ITFG2: variants seen among roughly 807,000 people sequenced by gnomAD.
ITFG2 encodes integrin alpha FG-GAP repeat containing 2, also known as KICSTOR complex protein ITFG2.
In ITFG2, 36 loss-of-function variants were observed where a neutral mutation model predicts 54.4. The observed-to-expected ratio is 0.66, with a 90% CI of 0.51 to 0.87. The LOEUF (loss-of-function observed/expected upper bound fraction) is 0.87, where lower values mean the gene tolerates loss of function less well. ITFG2 is among the 40% of genes least tolerant of loss of function. The pLI is 0.00. For synonymous variants in ITFG2, 211 were observed against 225.4 expected (o/e 0.94, Z 0.57); for missense variants, 524 against 576.7 (o/e 0.91, Z 0.94).
In ITFG2 at chr12:2,824,991, C is replaced by T. The variant is rs1384101457; in HGVS notation, c.*798C>T. 6.6e-6 allele frequency: 1 copy of T among 152,288 alleles called. No homozygotes were observed. The highest frequency in any genetic ancestry group is 1.9e-4 in the East Asian group (1 of 5,202). The allele number at this position is 152,288 out of a possible 1,614,324, so 9.4% of individuals were successfully genotyped here. Reference sequence around the variant, plus strand: ...ATGCTCTAAATCGGTGTTTTTCAAACTGTGGTTGCAGTCCTTTGGTGGATT... The same window carrying T: ...ATGCTCTAAATCGGTGTTTTTCAAATTGTGGTTGCAGTCCTTTGGTGGATT... On this transcript the variant is annotated 3_prime_UTR_variant, in exon 12 of 12. Coordinates refer to ENST00000228799, the MANE Select transcript of ITFG2 (RefSeq NM_018463.4).
downstream of ITFG2, chr12:2,827,092 A>C: frequency 6.5e-7 from 1 of 1,539,752 alleles, no homozygotes; most frequent in African/African-American, 1.4e-5. The surrounding 1 kb of genome is among the most constrained non-coding windows in gnomAD (Gnocchi z 4.0). Context: ...CAGGGAGGTG[A>C]TTGGAAGGGC....
At chr12:2,819,248 A>C (rs1184023617) in intron 4 of ITFG2, among the ~76,000 whole-genome samples, 1 of 152,144 alleles carries the variant, frequency 6.6e-6, no homozygotes, top group Non-Finnish European at 1.5e-5. Flanking sequence ...GCAGACCACA[A>C]GGTCAGGAGA....
At chr12:2,833,438 G>T (rs963505770), upstream of ITFG2, among the ~76,000 whole-genome samples, 3 of 152,140 alleles carry the variant, frequency 2.0e-5, no homozygotes, top group Non-Finnish European at 4.4e-5. Flanking sequence ...TCTGGGCTGT[G>T]GTCCTGGTGG....
Position 2,822,777 on chromosome 12 carries a change from T to C in ITFG2, c.949-17T>C, listed in dbSNP as rs1163394427. 6.2e-7 allele frequency: 1 copy of C among 1,604,398 alleles called. No homozygotes were observed. The highest frequency in any genetic ancestry group is 1.1e-5 in the South Asian group (1 of 90,856). ...CCACAGCTCCTTTATGTTCCTTTTG[T>C]CTCTGTCCTTTTTCAGGGCAACGGG... On this transcript the variant is annotated splice_polypyrimidine_tract_variant and intron_variant, in intron 9 of 11. Coordinates refer to ENST00000228799, the MANE Select transcript of ITFG2 (RefSeq NM_018463.4).
At chr12:2,837,494 GGGCA>G (rs2098031460) in intron 1 of ITFG2, among the ~76,000 whole-genome samples, 1 of 151,830 alleles carries the variant, frequency 6.6e-6, no homozygotes, top group African/African-American at 2.4e-5. Flanking sequence ...AAAATTAGCT[GGGCA>G]TGGTGGCACA....
chr12:2,838,996 A>C (rs934463503), intron 1 of ITFG2, among the ~76,000 whole-genome samples: 2 of 152,134 alleles, frequency 1.3e-5, no homozygotes, highest in African/African-American at 4.8e-5. Flanking sequence ...AGAATTAAAA[A>C]AAAAAAACAA....
At chr12:2,827,777 G>T, downstream of ITFG2, 1 of 1,607,310 alleles carries the variant, frequency 6.2e-7, no homozygotes, top group Non-Finnish European at 8.5e-7. The surrounding 1 kb of genome is among the most constrained non-coding windows in gnomAD (Gnocchi z 4.0). Context: ...CCCATCCCCA[G>T]ATCCGAGGAC....
chr12:2,843,303 G>A (rs1040255996), intron 2 of ITFG2, among the ~76,000 whole-genome samples: 5 of 152,198 alleles, frequency 3.3e-5, no homozygotes, highest in African/African-American at 4.8e-5. Context: ...CAGGCAGCCC[G>A]TGCTGCCAGG....
chr12:2,822,105 CT>C (rs2097947439), intron 9 of ITFG2, among the ~76,000 whole-genome samples: 1 of 151,892 alleles, frequency 6.6e-6, no homozygotes, highest in Non-Finnish European at 1.5e-5. Flanking sequence ...CTTTCCTAAA[CT>C]TTTTGTAAAG....
upstream of ITFG2, among the ~76,000 whole-genome samples, chr12:2,832,322 C>T (rs191445251): frequency 2.7e-4 from 41 of 152,132 alleles, no homozygotes; most frequent in Admixed American, 5.9e-4. Context: ...TCCACATGAC[C>T]GGGCCGTGCC....
At chr12:2,849,363 CAG>C (rs1385733773) in intron 2 of ITFG2, 2 of 1,536,064 alleles carry the variant, frequency 1.3e-6, no homozygotes, top group East Asian at 2.4e-5. Flanking sequence ...GGTCCTGGCT[CAG>C]GGGCGCGCTG....
intron 10 of ITFG2, among the ~76,000 whole-genome samples, chr12:2,823,491 A>G (rs2097952761): frequency 6.6e-6 from 1 of 152,216 alleles, no homozygotes; most frequent in Non-Finnish European, 1.5e-5. Flanking sequence ...CACTCCAGGG[A>G]TATCACTAAG....
At chr12:2,827,355 G>A, downstream of ITFG2, 1 of 1,567,438 alleles carries the variant, frequency 6.4e-7, no homozygotes, top group Middle Eastern at 1.9e-4. This position sits in a 1 kb window ranked among gnomAD's most constrained non-coding sequence, Gnocchi z 4.0. Flanking sequence ...CTGCCTCCCG[G>A]CCTGCTCCTT....
chr12:2,849,643 G>A (rs960402091), intron 2 of ITFG2: 12 of 1,174,108 alleles, frequency 1.0e-5, no homozygotes, highest in African/African-American at 1.5e-5. Context: ...GCCATCAGGC[G>A]GCAGGGAATC....
chr12:2,830,571 G>C (rs776508329), intron 2 of ITFG2: 17 of 891,928 alleles, frequency 1.9e-5, no homozygotes, highest in Non-Finnish European at 2.9e-5. Flanking sequence ...AGAGGATCCT[G>C]GTTAGGTCCA....
intron 2 of ITFG2, chr12:2,830,502 G>A: frequency 1.9e-6 from 1 of 526,206 alleles, no homozygotes; most frequent in East Asian, 3.3e-5. Context: ...GCAGAGTAAT[G>A]GTGGTGACAG....
chr12:2,837,426 C>T (rs1054454521), intron 1 of ITFG2, among the ~76,000 whole-genome samples: 2 of 151,374 alleles, frequency 1.3e-5, no homozygotes, highest in African/African-American at 4.9e-5. Flanking sequence ...TGCAGTGAGC[C>T]GAGATCACGC....
intron 2 of ITFG2, among the ~76,000 whole-genome samples, chr12:2,846,890 A>T (rs528515344): frequency 6.6e-6 from 1 of 152,232 alleles, no homozygotes; most frequent in South Asian, 2.1e-4. Flanking sequence ...CATTATTTTT[A>T]ATTTAGATGA....
At chr12:2,850,235 G>A (rs969024049) in intron 2 of ITFG2, among the ~76,000 whole-genome samples, 1 of 152,106 alleles carries the variant, frequency 6.6e-6, no homozygotes, top group Non-Finnish European at 1.5e-5. Flanking sequence ...CAGCACTTTG[G>A]GAGGCCGAGG....
Sources: gnomAD v4.1 joint callset for allele counts (sites outside exome capture counted in the v4.1 genomes callset) on GRCh38, gnomAD v4.1.1 for gene constraint, Gnocchi (gnomAD v3.1) non-coding constraint, MANE v1.5 for transcripts, NCBI Gene and HGNC (gene_info 2026-07-23, HGNC 2026-07-21) for gene names.